Variants in ZNF746 observed in about 807,000 individuals in gnomAD.
ZNF746 encodes the protein parkin-interacting substrate.
Under a neutral mutation model 41.0 loss-of-function variants are expected in ZNF746, and 13 were observed. The observed-to-expected ratio is 0.32, with a 90% CI of 0.21 to 0.50. ZNF746 has a LOEUF of 0.50. Ranked by LOEUF, ZNF746 falls within the 20% of genes least tolerant of loss-of-function variation. The pLI, the probability that ZNF746 is intolerant of heterozygous loss-of-function variation, is 0.98. For synonymous variants in ZNF746, 424 were observed against 396.2 expected, an observed-to-expected ratio of 1.07 and a Z score of -0.83; for missense variants, 811 against 922.9, an observed-to-expected ratio of 0.88 and a Z score of 1.57.
chr7:149,483,015 AG>A (rs1800526368), intron 4 of ZNF746, among the ~76,000 whole-genome samples: 1 of 152,262 alleles, frequency 6.6e-6, no homozygotes, highest in African/African-American at 2.4e-5. Context: ...CAGAGCGTTA[AG>A]GAAAAATGAA....
chr7:149,486,259 CA>C (rs1446815046), intron 4 of ZNF746, among the ~76,000 whole-genome samples: 1 of 152,048 alleles, frequency 6.6e-6, no homozygotes, highest in Non-Finnish European at 1.5e-5. Flanking sequence ...TTGGAACCCC[CA>C]GGCCCTCCTG....
chr7:149,497,484 G>A lies in ZNF746; in HGVS notation c.24+29C>T, dbSNP rs866512312. The A allele has an allele frequency of 2.7e-6, 3 of 1,091,036 alleles. No individual in the cohort carries two copies. Among genetic ancestry groups the A allele is most frequent in the South Asian group, 3.9e-5 (1 of 25,530 alleles). The allele number at this position is 1,091,036 out of a possible 1,614,324, so 67.6% of individuals were successfully genotyped here. A position where few individuals can be genotyped will look rare whatever the true frequency, so the allele number is the denominator to read the frequency against. On this transcript the variant is annotated intron_variant, in intron 1 of 6. Coordinates refer to ENST00000458143, the MANE Select transcript of ZNF746 (RefSeq NM_001394198.1). The surrounding 1 kb of genome is among the most constrained non-coding windows in gnomAD (Gnocchi z 4.2). Reference sequence around the variant, plus strand: ...GGGCCGCCTGGGGCCCCCAGGCCGCGAGTCCCTGCGCGCGCGGGTCGCCCT... The same window carrying A: ...GGGCCGCCTGGGGCCCCCAGGCCGCAAGTCCCTGCGCGCGCGGGTCGCCCT...
At chr7:149,485,025 A>G (rs1382586189) in intron 4 of ZNF746, among the ~76,000 whole-genome samples, 1 of 152,110 alleles carries the variant, frequency 6.6e-6, no homozygotes, top group African/African-American at 2.4e-5. Flanking sequence ...AAGGGCAGGG[A>G]CATTGGAATG....
intron 4 of ZNF746, chr7:149,488,286 A>G (rs1425505878): frequency 6.6e-6 from 1 of 151,998 alleles, no homozygotes; most frequent in East Asian, 1.9e-4. Context: ...AAACTTTTAA[A>G]AATTTATAAA....
rs760659384 is a variant in ZNF746, at chr7:149,477,062, G to C, written c.758-15C>G. 7.5e-6 allele frequency: 12 copies of C among 1,608,940 alleles called. No individual in the cohort carries two copies. Among genetic ancestry groups the C allele is most frequent in the South Asian group, 1.1e-5 (1 of 90,446 alleles). On this transcript the variant is annotated splice_polypyrimidine_tract_variant and intron_variant, in intron 5 of 6. Transcript: ENST00000458143. ...GGAATGGACACCTGCGGTAAGGGGA[G>C]AGCAGAGCCGGTGGGTTAGGGGACG...
intron 4 of ZNF746, chr7:149,491,962 A>C (rs1562992695): frequency 2.8e-6 from 2 of 702,898 alleles, no homozygotes; most frequent in Non-Finnish European, 5.2e-6. Flanking sequence ...ATCTGGTAAC[A>C]AGATTCACCT....
intron 3 of ZNF746, among the ~76,000 whole-genome samples, chr7:149,493,195 T>C (rs778827542): frequency 3.3e-5 from 5 of 152,126 alleles, no homozygotes; most frequent in Non-Finnish European, 5.9e-5. Flanking sequence ...CATCTGGAGA[T>C]GCCCTGAGAG....
Position 149,494,478 on chromosome 7 carries a change from G to A in ZNF746, c.50C>T (p.Thr17Met), listed in dbSNP as rs1356949548. 2 of 1,613,792 alleles carry A rather than the reference G, an allele frequency of 1.2e-6. No homozygotes were observed. The highest frequency in any genetic ancestry group is 1.3e-5 in the African/African-American group (1 of 75,040). Residue 17 changes from threonine to methionine, a missense_variant, in exon 2 of 7, where the codon ACG (threonine) becomes ATG (methionine). By Grantham distance (81) the Thr-to-Met change is moderately conservative. This residue lies in a region of ZNF746 where 147 missense variants were observed against 233.4 expected (regional missense o/e 0.63). Coordinates refer to ENST00000458143, the MANE Select transcript of ZNF746 (RefSeq NM_001394198.1). This position sits in a 1 kb window ranked among gnomAD's most constrained non-coding sequence, Gnocchi z 5.6. ...APISPWTMAA[T>M]IQAMERKIES... ...AATCTTCCTCTCCATGGCCTGAATC[G>A]TGGCTGCCATCGTCCACGGAGAAAT...
chr7:149,480,716 G>A (rs117379505), intron 4 of ZNF746, among the ~76,000 whole-genome samples: 139 of 152,270 alleles, frequency 9.1e-4, no homozygotes, highest in Admixed American at 1.4e-3. Flanking sequence ...GATTACAGGC[G>A]TGAGCTACCG....
In ZNF746 at chr7:149,474,459, CAAAGGTCCTTTGGAGGCG is replaced by C. The variant is rs764164886; in HGVS notation, c.1890_1907del (p.Lys633_Ser638del). ...AGTCGGTCACAAGGTCTGTGGAGGC[CAAAGGTCCTTTGGAGGCG>C]GGGCTCTTGAAGGGATCAGGAGGTG... On this transcript the variant is annotated inframe_deletion, in exon 7 of 7. Coordinates refer to ENST00000458143, the MANE Select transcript of ZNF746 (RefSeq NM_001394198.1). This position sits in a 1 kb window ranked among gnomAD's most constrained non-coding sequence, Gnocchi z 6.3. 1.9e-6 allele frequency: 3 copies of C among 1,611,696 alleles called. No individual in the cohort carries two copies.
intron 4 of ZNF746, among the ~76,000 whole-genome samples, chr7:149,480,600 A>G (rs1398771401): frequency 6.6e-6 from 1 of 151,882 alleles, no homozygotes; most frequent in East Asian, 1.9e-4. Context: ...AGGCCCAGCT[A>G]ATTTTTATGT....
At chr7:149,487,565 G>A (rs1403839562) in intron 4 of ZNF746, 4 of 152,150 alleles carry the variant, frequency 2.6e-5, no homozygotes, top group South Asian at 4.1e-4. Flanking sequence ...ATTTGTAGAG[G>A]ATATAATTAT....
intron 3 of ZNF746, 124 bp from the exon 4 acceptor site, chr7:149,493,096 C>A: frequency 4.4e-6 from 3 of 687,364 alleles, no homozygotes; most frequent in Non-Finnish European, 7.5e-6. Flanking sequence ...TAGCTCTCAA[C>A]CACAGGCAAT....
Position 149,473,718 on chromosome 7 carries a change from G to A in ZNF746, c.*666C>T, listed in dbSNP as rs1156645248. 1 of 154,800 alleles carries A rather than the reference G, an allele frequency of 6.5e-6. No homozygotes were observed. Among genetic ancestry groups the A allele is most frequent in the East Asian group, 1.9e-4 (1 of 5,202 alleles). 9.6% of individuals were successfully genotyped at this position (154,800 alleles called of 1,614,324 possible). On this transcript the variant is annotated 3_prime_UTR_variant, in exon 7 of 7. Transcript: ENST00000458143. ...CACACACTAGGGGACACCACCAAGT[G>A]CCCTTGGGACGGGTACCACAGATGG...
rs1800857973 is a variant in ZNF746, at chr7:149,492,920, C to T, written c.504G>A (p.Glu168=). ...EVLSQIEQGK[E]PCNWRRPGPK... is the part of the protein sequence containing the mutation. The stretch of plus-strand genomic sequence containing the variant: ...GGCCAGGGCGGCGCCAGTTGCAGGG[C>T]TCCTTCCCTTGTTCAATCTGGGAGA... The change falls in exon 4 of 7, where the codon GAG becomes GAA. Residue 168 remains glutamate, a synonymous_variant. Coordinates refer to ENST00000458143, the MANE Select transcript of ZNF746 (RefSeq NM_001394198.1). 1 of 1,614,070 alleles carries T rather than the reference C, an allele frequency of 6.2e-7. No individual in the cohort carries two copies.
intron 4 of ZNF746, among the ~76,000 whole-genome samples, chr7:149,487,459 A>G (rs1344669332): frequency 6.6e-6 from 1 of 152,260 alleles, no homozygotes; most frequent in Non-Finnish European, 1.5e-5. Flanking sequence ...ACAGGATGCT[A>G]CTATCACTGC....
intron 4 of ZNF746, among the ~76,000 whole-genome samples, chr7:149,486,662 T>C (rs1384995254): frequency 6.6e-6 from 1 of 152,118 alleles, no homozygotes; most frequent in Non-Finnish European, 1.5e-5. Flanking sequence ...CAGATAAAAC[T>C]AAATGTGTTA....
chr7:149,482,959 C>A (rs1422372048), intron 4 of ZNF746, among the ~76,000 whole-genome samples: 1 of 152,074 alleles, frequency 6.6e-6, no homozygotes. Context: ...ATTAAAGGGA[C>A]CTAAGCAGAT....
At position 149,494,047 on chromosome 7, in the gene ZNF746, C is replaced by G. The variant is rs1800901035; in HGVS notation, c.393G>C (p.Trp131Cys). The G allele has an allele frequency of 6.2e-7, 1 of 1,614,172 alleles. No homozygotes were observed. The highest frequency in any genetic ancestry group is 8.5e-7 in the Non-Finnish European group (1 of 1,180,036). Residue 131 changes from tryptophan (W) to cysteine (C), a missense_variant, in exon 3 of 7, where the codon TGG (tryptophan) becomes TGC (cysteine). Physicochemically the swap from Trp to Cys is radical, Grantham distance 215 (BLOSUM62 -2). Coordinates refer to ENST00000458143, the MANE Select transcript of ZNF746 (RefSeq NM_001394198.1). The surrounding 1 kb of genome is among the most constrained non-coding windows in gnomAD (Gnocchi z 5.6). ...TCACGTGCTTGTAGAGCTCCTTCTGCCAGTCCTCCAGCTTGCCCCACTCCT... is the reference window on the plus strand; with the variant it reads ...TCACGTGCTTGTAGAGCTCCTTCTGGCAGTCCTCCAGCTTGCCCCACTCCT... Reference protein sequence around the residue: ...SEQEWGKLEDWQKELYKHVMR... With the variant: ...SEQEWGKLEDCQKELYKHVMR...
Sources: gnomAD v4.1 joint callset for allele counts (sites outside exome capture counted in the v4.1 genomes callset) on GRCh38, gnomAD v4.1.1 for gene constraint, gnomAD v4.1.1 regional missense constraint, Gnocchi (gnomAD v3.1) non-coding constraint, MANE v1.5 for transcripts, NCBI Gene and HGNC (gene_info 2026-07-23, HGNC 2026-07-21) for gene names.